Variants in ANKRD55 observed in about 807,000 individuals in gnomAD.
ANKRD55 encodes the protein ankyrin repeat domain-containing protein 55.
Under a neutral mutation model 60.6 loss-of-function variants are expected in ANKRD55, and 41 were observed. That is an observed-to-expected ratio of 0.68 (90% CI 0.53 to 0.88). ANKRD55 has a LOEUF of 0.88. Among genes scored for constraint, ANKRD55 ranks in the 40% least tolerant of loss-of-function variants. The pLI is 0.00. For synonymous variants in ANKRD55, 264 were observed against 290.3 expected, an observed-to-expected ratio of 0.91 and a Z score of 0.92; for missense variants, 732 against 767.6, an observed-to-expected ratio of 0.95 and a Z score of 0.55.
At chr5:56,140,747 A>G (rs1351759683) in intron 7 of ANKRD55, among the ~76,000 whole-genome samples, 2 of 152,164 alleles carry the variant, frequency 1.3e-5, no homozygotes, top group Non-Finnish European at 2.9e-5. Context: ...ACAGTCTTCT[A>G]TGGAAAGGAG....
At chr5:56,116,552 T>C (rs1441661594) in intron 9 of ANKRD55, 63 bp downstream of exon 9, 36 of 1,361,976 alleles carry the variant, frequency 2.6e-5, no homozygotes, top group Admixed American at 8.6e-5. Context: ...ATTTAAAACA[T>C]TTCATCCAAA....
chr5:56,121,114 G>T (rs1031054200), intron 8 of ANKRD55, among the ~76,000 whole-genome samples: 3 of 152,048 alleles, frequency 2.0e-5, no homozygotes, highest in African/African-American at 7.2e-5. Flanking sequence ...CATCTGACCT[G>T]AAGGGATAAG....
intron 5 of ANKRD55, among the ~76,000 whole-genome samples, chr5:56,166,086 T>TTCC (rs1554040773): frequency 1.1e-5 from 1 of 91,772 alleles, no homozygotes; most frequent in African/African-American, 3.6e-5. Context: ...TTTCTTTTCT[T>TTCC]TTTCTTTCTT....
chr5:56,205,627 G>A (rs562291470), intron 2 of ANKRD55, among the ~76,000 whole-genome samples: 8 of 152,270 alleles, frequency 5.3e-5, no homozygotes, highest in African/African-American at 1.9e-4. Context: ...GCTAGCATCT[G>A]TGGAGAACCA....
intron 2 of ANKRD55, among the ~76,000 whole-genome samples, chr5:56,230,085 T>G (rs1760213244): frequency 6.6e-6 from 1 of 152,122 alleles, no homozygotes; most frequent in Admixed American, 6.5e-5. Context: ...TTTTCAGAAT[T>G]TCTTCAGATG....
chr5:56,113,003 A>T (rs1433788529), intron 9 of ANKRD55, among the ~76,000 whole-genome samples: 1 of 152,176 alleles, frequency 6.6e-6, no homozygotes, highest in Non-Finnish European at 1.5e-5. Context: ...CTAGACTCCT[A>T]ATACCACCAG....
At chr5:56,153,309 G>A (rs868408206) in intron 6 of ANKRD55, among the ~76,000 whole-genome samples, 2 of 151,914 alleles carry the variant, frequency 1.3e-5, no homozygotes, top group Non-Finnish European at 2.9e-5. Context: ...CTATTTTGGG[G>A]GAATAATTAG....
intron 5 of ANKRD55, among the ~76,000 whole-genome samples, chr5:56,170,254 G>A (rs1009171123): frequency 6.6e-6 from 1 of 152,120 alleles, no homozygotes; most frequent in Admixed American, 6.5e-5. Flanking sequence ...TATTAGAAAT[G>A]ATCTTATTTA....
intron 2 of ANKRD55, among the ~76,000 whole-genome samples, chr5:56,204,906 G>C (rs1759463535): frequency 6.6e-6 from 1 of 152,188 alleles, no homozygotes; most frequent in Non-Finnish European, 1.5e-5. Flanking sequence ...GCAGGTGTTG[G>C]AGTCAGGCAT....
intron 3 of ANKRD55, among the ~76,000 whole-genome samples, chr5:56,177,428 A>C (rs1466101919): frequency 1.3e-5 from 2 of 152,124 alleles, no homozygotes; most frequent in Non-Finnish European, 2.9e-5. Context: ...ATGCTGCAAA[A>C]GGCAATTATT....
intron 5 of ANKRD55, among the ~76,000 whole-genome samples, chr5:56,170,471 T>A (rs372671223): frequency 2.6e-5 from 4 of 152,258 alleles, no homozygotes; most frequent in African/African-American, 9.6e-5. Context: ...AAACAGCATG[T>A]CTTCTTAAAG....
chr5:56,229,741 C>T (rs1760204043), intron 2 of ANKRD55, among the ~76,000 whole-genome samples: 1 of 152,208 alleles, frequency 6.6e-6, no homozygotes, highest in Non-Finnish European at 1.5e-5. Flanking sequence ...CATATTCTTC[C>T]ACCATTCTCT....
rs1018314980 is a variant in ANKRD55 at position 56,176,215 on chromosome 5, C to T, written c.249G>A (p.Met83Ile). 24 of 1,614,202 alleles carry T rather than the reference C, an allele frequency of 1.5e-5. No homozygotes were observed. The highest frequency in any genetic ancestry group is 1.9e-5 in the Non-Finnish European group (23 of 1,180,050). Residue 83 changes from methionine to isoleucine, a missense_variant, in exon 4 of 12, where the codon ATG becomes ATA. This residue lies in a region of ANKRD55 where 131 missense variants were observed against 142.7 expected (regional missense o/e 0.92). Transcript: ENST00000341048. ...QADTVKLLLK[M>I]GANINMQDAY... is the part of the protein sequence containing the mutation. ...CATCCTGCATGTTAATATTGGCTCC[C>T]ATCTTCAACAGCAGCTTCACTGTGT...
At chr5:56,215,101 A>G (rs1759770963) in intron 2 of ANKRD55, among the ~76,000 whole-genome samples, 1 of 151,894 alleles carries the variant, frequency 6.6e-6, no homozygotes. Flanking sequence ...TTTTTAATCA[A>G]CTGTTGTTTT....
rs978506790 is a variant in ANKRD55 at position 56,173,814 on chromosome 5, G to A, written c.312+2338C>T. 1.4e-4 allele frequency among the ~76,000 whole-genome samples: 21 copies of A among 151,970 alleles called. No individual in the cohort carries two copies. In the East Asian group the frequency reaches 2.9e-3, roughly 21 times the overall value. On this transcript the variant is annotated intron_variant, in intron 4 of 11. Transcript: ENST00000341048. The stretch of plus-strand genomic sequence containing the variant: ...TAGCCTCTTGGCCTCCCAAAGTAGC[G>A]GGATTACAGGCGTGAGCCACCGTGC...
intron 2 of ANKRD55, among the ~76,000 whole-genome samples, chr5:56,210,120 A>ACCTCAG (rs1266997901): frequency 5.3e-5 from 8 of 151,420 alleles, no homozygotes; most frequent in African/African-American, 1.7e-4. Context: ...CTATTTTCCC[A>ACCTCAG]CCTCAGCCTC....
At chr5:56,132,662 C>G (rs1474070449) in intron 7 of ANKRD55, among the ~76,000 whole-genome samples, 1 of 149,528 alleles carries the variant, frequency 6.7e-6, no homozygotes, top group Non-Finnish European at 1.5e-5. Flanking sequence ...GTTACTCTAA[C>G]TATATGAATA....
chr5:56,228,092 G>A (rs1760163730), intron 2 of ANKRD55, among the ~76,000 whole-genome samples: 1 of 152,288 alleles, frequency 6.6e-6, no homozygotes, highest in African/African-American at 2.4e-5. Context: ...TGGCCCTAAA[G>A]ACATGTTCTA....
chr5:56,126,788 G>C (rs1757272247), intron 8 of ANKRD55, 134 bp downstream of exon 8: 1 of 973,934 alleles, frequency 1.0e-6, no homozygotes, highest in African/African-American at 1.7e-5. Flanking sequence ...AATTTTTATT[G>C]TCACAAGCCC....
Sources: allele counts gnomAD v4.1 joint callset (sites outside exome capture counted in the v4.1 genomes callset), GRCh38; gene constraint gnomAD v4.1.1; regional missense constraint gnomAD v4.1.1; transcripts MANE v1.5; gene names NCBI Gene and HGNC (gene_info 2026-07-23, HGNC 2026-07-21).